MTMR2: variants seen among roughly 807,000 people sequenced by gnomAD.
MTMR2 encodes phosphatidylinositol-3,5-bisphosphate 3-phosphatase MTMR2.
MTMR2 carries 55 observed loss-of-function variants against 86.9 expected under a neutral mutation model. The ratio of observed to expected loss-of-function variants is 0.63; its 90% confidence interval spans 0.51 to 0.79. The LOEUF (loss-of-function observed/expected upper bound fraction) is 0.79. Among genes scored for constraint, MTMR2 ranks in the 30% least tolerant of loss-of-function variants. The pLI is 0.00. For missense variants in MTMR2, 659 were observed against 772.3 expected, an observed-to-expected ratio of 0.85 and a Z score of 1.74; for synonymous variants, 241 against 266.8, an observed-to-expected ratio of 0.90 and a Z score of 0.94.
chr11:95,862,470 A>G, intron 3 of MTMR2, 104 bp from the exon 4 acceptor site: 2 of 874,354 alleles, frequency 2.3e-6, no homozygotes, highest in Non-Finnish European at 3.7e-6. Context: ...TTTATGCTGA[A>G]AAATAACAGA....
At chr11:95,910,981 C>T (rs928180772) in intron 1 of MTMR2, among the ~76,000 whole-genome samples, 1 of 151,862 alleles carries the variant, frequency 6.6e-6, no homozygotes, top group African/African-American at 2.4e-5. Flanking sequence ...AGAAAAACAA[C>T]CCCCCCAAAA....
chr11:95,859,826 A>C (rs1261330527), intron 5 of MTMR2, among the ~76,000 whole-genome samples: 1 of 152,212 alleles, frequency 6.6e-6, no homozygotes, highest in East Asian at 1.9e-4. Flanking sequence ...ATACATAAGT[A>C]AGACAGTATA....
rs144728577 is a variant in MTMR2, at chr11:95,893,427, C to T, written c.81-5166G>A. Among the ~76,000 whole-genome samples the T allele has an allele frequency of 2.0e-5, 3 of 152,202 alleles. No homozygotes were observed. In the East Asian group the frequency reaches 5.8e-4, roughly 29 times the overall value. On this transcript the variant is annotated intron_variant, in intron 1 of 14. Transcript: ENST00000346299. ...TCTCATCTTCAACCTAGTAGAGACA[C>T]CCAGACCCTCAACCCCTCCATTTTT...
intron 2 of MTMR2, among the ~76,000 whole-genome samples, chr11:95,870,667 CAA>C (rs574472390): frequency 2.8e-5 from 4 of 144,728 alleles, no homozygotes; most frequent in African/African-American, 7.7e-5. Context: ...GAGGTCAAAA[CAA>C]GAGAGGCAAC....
At chr11:95,915,340 G>T (rs1866658759) in intron 1 of MTMR2, among the ~76,000 whole-genome samples, 1 of 152,064 alleles carries the variant, frequency 6.6e-6, no homozygotes, top group East Asian at 1.9e-4. Context: ...AAGCAATTCT[G>T]CCGAGAAGAG....
intron 2 of MTMR2, among the ~76,000 whole-genome samples, chr11:95,872,862 T>C (rs1254691): frequency 0.012 from 1,848 of 152,350 alleles, 34 homozygotes; most frequent in African/African-American, 0.043. Context: ...TCTGCATCCA[T>C]TGAGATAATC....
In MTMR2 at chr11:95,861,994, TAC is replaced by T. The variant is rs1358449243; in HGVS notation, c.464_465del (p.Cys155Ter). The T allele has an allele frequency of 3.1e-6, 5 of 1,604,134 alleles. No homozygotes were observed. The highest frequency in any genetic ancestry group is 1.7e-4 in the Middle Eastern group (1 of 6,060). ...GENSYGLETV[C>X]KDIRNLRFAH... The stretch of plus-strand genomic sequence containing the variant: ...CACATACATATTATAACATTTACCT[TAC>T]ACACAGTTTCTAGTCCATAAGAATT... On this transcript the variant is annotated frameshift_variant, in exon 5 of 15. Coordinates refer to ENST00000346299, the MANE Select transcript of MTMR2 (RefSeq NM_016156.6). LOFTEE classifies it high-confidence loss of function.
intron 1 of MTMR2, among the ~76,000 whole-genome samples, chr11:95,893,708 C>T (rs186571997): frequency 2.0e-4 from 30 of 152,174 alleles, no homozygotes; most frequent in Admixed American, 3.3e-4. Flanking sequence ...TTTTTTAAAC[C>T]ATAACCATCC....
chr11:95,914,275 T>C (rs971954717), intron 1 of MTMR2: 1 of 970,910 alleles, frequency 1.0e-6, no homozygotes, highest in African/African-American at 1.8e-5. Flanking sequence ...TCTTCACTTC[T>C]GATGATCTTC....
At chr11:95,882,889 A>ATTTTTTTTTTTTTTTTTTT (rs776661875) in intron 2 of MTMR2, among the ~76,000 whole-genome samples, 1 of 76,100 alleles carries the variant, frequency 1.3e-5, no homozygotes, top group African/African-American at 5.9e-5. Context: ...CATCCAGCTA[A>ATTTTTTTTTTTTTTTTTTT]TTTTTTTTTT....
intron 1 of MTMR2, among the ~76,000 whole-genome samples, chr11:95,908,443 C>T (rs992470388): frequency 3.9e-5 from 6 of 152,018 alleles, no homozygotes; most frequent in African/African-American, 1.2e-4. Flanking sequence ...CAGTGTGATT[C>T]CTACCAAATT....
intron 1 of MTMR2, among the ~76,000 whole-genome samples, chr11:95,900,847 T>G (rs1381774688): frequency 1.3e-5 from 2 of 152,214 alleles, no homozygotes; most frequent in African/African-American, 2.4e-5. Flanking sequence ...GAACTCTACC[T>G]TCAACTACTC....
At chr11:95,880,598 C>G (rs1425438383) in intron 2 of MTMR2, among the ~76,000 whole-genome samples, 1 of 151,968 alleles carries the variant, frequency 6.6e-6, no homozygotes, top group African/African-American at 2.4e-5. Context: ...TATTATCAGA[C>G]TTGTTAATTG....
intron 14 of MTMR2, among the ~76,000 whole-genome samples, 179 bp downstream of exon 14, chr11:95,835,969 A>G (rs1037384258): frequency 6.6e-6 from 1 of 152,048 alleles, no homozygotes; most frequent in African/African-American, 2.4e-5. Context: ...CAGTCCTAAG[A>G]ACCAGGTATA....
chr11:95,862,898 A>T (rs1220973767), intron 3 of MTMR2, among the ~76,000 whole-genome samples: 1 of 152,216 alleles, frequency 6.6e-6, no homozygotes. Context: ...CACATTTAAA[A>T]TATAATTTCT....
chr11:95,857,324 G>A (rs1431980350), intron 7 of MTMR2, among the ~76,000 whole-genome samples: 2 of 151,962 alleles, frequency 1.3e-5, no homozygotes, highest in African/African-American at 2.4e-5. Context: ...TTTTAGGTGG[G>A]GCTTAAGTAA....
intron 1 of MTMR2, among the ~76,000 whole-genome samples, chr11:95,907,579 A>G (rs1487373894): frequency 6.6e-6 from 1 of 152,158 alleles, no homozygotes; most frequent in Non-Finnish European, 1.5e-5. Context: ...ACTTCAGACA[A>G]ATATTCCTGA....
chr11:95,888,040 C>T (rs1865573405), intron 2 of MTMR2, 116 bp downstream of exon 2: 8 of 785,706 alleles, frequency 1.0e-5, no homozygotes, highest in South Asian at 1.6e-5. Flanking sequence ...TTTTGTAGAC[C>T]GGGATCTATG....
intron 11 of MTMR2, among the ~76,000 whole-genome samples, chr11:95,842,320 G>A (rs894677727): frequency 1.3e-5 from 2 of 151,262 alleles, no homozygotes; most frequent in African/African-American, 4.9e-5. Flanking sequence ...TTTTGTCCTG[G>A]AGATTTTAAT....
Sources: gnomAD v4.1 joint callset for allele counts (sites outside exome capture counted in the v4.1 genomes callset) on GRCh38, gnomAD v4.1.1 for gene constraint, MANE v1.5 for transcripts, NCBI Gene and HGNC (gene_info 2026-07-23, HGNC 2026-07-21) for gene names.